SORCS2: variants seen among roughly 807,000 people sequenced by gnomAD.
SORCS2 encodes the protein VPS10 domain-containing receptor SorCS2.
A neutral mutation model predicts 141.6 loss-of-function variants in SORCS2; 100 were observed. That is an observed-to-expected ratio of 0.71 (90% CI 0.60 to 0.83). The LOEUF is 0.83. Among genes scored for constraint, SORCS2 ranks in the 40% least tolerant of loss-of-function variants. The pLI is 0.00. For synonymous variants in SORCS2, 789 were observed against 676.9 expected, an observed-to-expected ratio of 1.17 and a Z score of -2.57; for missense variants, 1,646 against 1,560.2, an observed-to-expected ratio of 1.05 and a Z score of -0.93.
At chr4:7,498,494 T>C (rs1001610406) in intron 2 of SORCS2, among the ~76,000 whole-genome samples, 20 of 152,166 alleles carry the variant, frequency 1.3e-4, no homozygotes, top group Admixed American at 1.0e-3. Flanking sequence ...TGCCACAAAA[T>C]TGAGACCCAT....
chr4:7,591,203 TCTC>T (rs546342647), intron 3 of SORCS2, among the ~76,000 whole-genome samples: 184 of 152,238 alleles, frequency 1.2e-3, no homozygotes, highest in African/African-American at 4.2e-3. Context: ...TTCTCCTTCT[TCTC>T]TTGTGCTCAG....
chr4:7,239,469 G>A (rs541301660), intron 1 of SORCS2, among the ~76,000 whole-genome samples: 1 of 152,236 alleles, frequency 6.6e-6, no homozygotes, highest in Admixed American at 6.5e-5. Flanking sequence ...TTCCTGGAGG[G>A]CTTCAGTTTT....
At chr4:7,565,843 GGTGATGAT>G (rs1714946830) in intron 3 of SORCS2, among the ~76,000 whole-genome samples, 1 of 37,862 alleles carries the variant, frequency 2.6e-5, no homozygotes, top group African/African-American at 4.4e-5. Flanking sequence ...TGATGGTGAT[GGTGATGAT>G]GGTGATGATG....
rs182221425 is a variant in SORCS2 at position 7,281,634 on chromosome 4, T to C, written c.480+88508T>C. Among the ~76,000 whole-genome samples, 143 of 152,302 alleles carry C rather than the reference T, an allele frequency of 9.4e-4. 1 individual carries two copies. The highest frequency in any genetic ancestry group is 2.9e-3 in the African/African-American group (121 of 41,558). ...CTGTTTCTTGCAAACCCGGTGAAAC[T>C]GCGAGCCTCCATTGGGCCGTTTGTG... is the stretch of plus-strand genomic sequence containing the variant. On this transcript the variant is annotated intron_variant, in intron 1 of 26. Coordinates refer to ENST00000507866, the MANE Select transcript of SORCS2 (RefSeq NM_020777.3).
chr4:7,285,807 G>A (rs146220626), intron 1 of SORCS2, among the ~76,000 whole-genome samples: 75 of 152,330 alleles, frequency 4.9e-4, no homozygotes, highest in Non-Finnish European at 8.1e-4. Context: ...CCGAGGGTGC[G>A]GGAGTGTGTG....
At chr4:7,432,686 G>GGC (rs914612435) in intron 2 of SORCS2, 92 of 143,510 alleles carry the variant, frequency 6.4e-4, no homozygotes, top group African/African-American at 2.6e-3. Flanking sequence ...GCTGAGACAT[G>GGC]GGGGGGGACT....
chr4:7,583,568 C>A (rs1716322845), intron 3 of SORCS2, among the ~76,000 whole-genome samples: 1 of 152,188 alleles, frequency 6.6e-6, no homozygotes, highest in South Asian at 2.1e-4. Context: ...ATCATGGGGG[C>A]AGTTTCCCCC....
At chr4:7,459,619 C>A (rs971482229) in intron 2 of SORCS2, among the ~76,000 whole-genome samples, 1 of 152,144 alleles carries the variant, frequency 6.6e-6, no homozygotes, top group African/African-American at 2.4e-5. Flanking sequence ...CTGAATTCCC[C>A]GGGCATCTGT....
intron 3 of SORCS2, among the ~76,000 whole-genome samples, chr4:7,564,641 C>T (rs941996278): frequency 1.3e-5 from 2 of 152,138 alleles, no homozygotes; most frequent in Non-Finnish European, 2.9e-5. Context: ...GAGCTGGGCC[C>T]GAGCTCACCA....
chr4:7,693,827 A>G (rs556946126), intron 11 of SORCS2, among the ~76,000 whole-genome samples: 241 of 152,296 alleles, frequency 1.6e-3, no homozygotes, highest in Non-Finnish European at 2.9e-3. Flanking sequence ...GGGCCCATCA[A>G]TGTCAGGACA....
intron 2 of SORCS2, among the ~76,000 whole-genome samples, chr4:7,465,829 TG>T (rs1044508004): frequency 6.6e-6 from 1 of 152,132 alleles, no homozygotes; most frequent in East Asian, 1.9e-4. Flanking sequence ...TGTTTTTTAG[TG>T]GGGGGCTAAG....
At chr4:7,574,174 A>C (rs73214676) in intron 3 of SORCS2, among the ~76,000 whole-genome samples, 4,937 of 152,352 alleles carry the variant, frequency 0.032, 164 homozygotes, top group African/African-American at 0.082. Flanking sequence ...CAGCTCAGAG[A>C]AGCGGGTTGG....
chr4:7,202,790 C>T (rs541810267), intron 1 of SORCS2, among the ~76,000 whole-genome samples: 73 of 152,256 alleles, frequency 4.8e-4, no homozygotes, highest in Admixed American at 8.5e-4. Context: ...AGGCCTCAGC[C>T]GGGGAGATCC....
chr4:7,259,306 C>A (rs973287023), intron 1 of SORCS2, among the ~76,000 whole-genome samples: 3 of 152,078 alleles, frequency 2.0e-5, no homozygotes, highest in African/African-American at 4.8e-5. Context: ...AGCTGAGGTC[C>A]GCAGAGTTCA....
chr4:7,572,421 A>C (rs1715465751), intron 3 of SORCS2, among the ~76,000 whole-genome samples: 1 of 151,826 alleles, frequency 6.6e-6, no homozygotes, highest in African/African-American at 2.4e-5. Flanking sequence ...TTTAAACGTA[A>C]GTTTCTTTAC....
intron 2 of SORCS2, among the ~76,000 whole-genome samples, chr4:7,428,991 C>A (rs991775111): frequency 9.9e-5 from 15 of 152,122 alleles, no homozygotes; most frequent in Non-Finnish European, 2.2e-4. Context: ...GTCACTGTAA[C>A]CTGGTAACCA....
intron 1 of SORCS2, among the ~76,000 whole-genome samples, chr4:7,324,489 T>A (rs1024781975): frequency 1.3e-5 from 2 of 152,198 alleles, no homozygotes; most frequent in East Asian, 3.9e-4. Context: ...CATGAGAGGA[T>A]GTGGGAACTG....
At position 7,689,513 on chromosome 4, in the gene SORCS2, C is replaced by T. The variant is rs774818888; in HGVS notation, c.1516C>T (p.Arg506Cys). The T allele has an allele frequency of 2.3e-5, 37 of 1,604,940 alleles. No homozygotes were observed. The highest frequency in any genetic ancestry group is 3.4e-5 in the Admixed American group (2 of 59,122). ...PPDCHLHLHL[R>C]WADNPYVSGT... Reference sequence around the variant, plus strand: ...AGACTGCCACCTGCACCTGCACCTGCGCTGGGCAGACAACCCCTACGTATC... The same window carrying T: ...AGACTGCCACCTGCACCTGCACCTGTGCTGGGCAGACAACCCCTACGTATC... The change falls in exon 11 of 27, where the codon CGC (arginine) becomes TGC (cysteine). Residue 506 changes from arginine to cysteine, a missense_variant. Physicochemically the swap from Arg to Cys is radical, Grantham distance 180 (BLOSUM62 -3). Transcript: ENST00000507866.
At chr4:7,661,365 A>G in intron 5 of SORCS2, 135 bp from the exon 6 acceptor site, 1 of 825,788 alleles carries the variant, frequency 1.2e-6, no homozygotes, top group Non-Finnish European at 2.0e-6. Flanking sequence ...TGGGGTGGTG[A>G]TGCCCTCCGG....
Sources: gnomAD v4.1 joint callset for allele counts (sites outside exome capture counted in the v4.1 genomes callset) on GRCh38, gnomAD v4.1.1 for gene constraint, MANE v1.5 for transcripts, NCBI Gene and HGNC (gene_info 2026-07-23, HGNC 2026-07-21) for gene names.